MAP3K21: variants seen among roughly 807,000 people sequenced by gnomAD.
MAP3K21 encodes mitogen-activated protein kinase kinase kinase 21.
A neutral mutation model predicts 86.1 loss-of-function variants in MAP3K21; 63 were observed. The observed-to-expected ratio is 0.73, with a 90% CI of 0.60 to 0.90. The LOEUF (loss-of-function observed/expected upper bound fraction) is 0.90, where lower values mean the gene tolerates loss of function less well. Ranked by LOEUF, MAP3K21 falls within the 40% of genes least tolerant of loss-of-function variation. The pLI is 0.00. For missense variants in MAP3K21, 1,220 were observed against 1,367.7 expected, an observed-to-expected ratio of 0.89 and a Z score of 1.70; for synonymous variants, 558 against 564.8, an observed-to-expected ratio of 0.99 and a Z score of 0.17.
At chr1:233,357,434 T>A (rs1361683323) in intron 4 of MAP3K21, among the ~76,000 whole-genome samples, 1 of 150,302 alleles carries the variant, frequency 6.7e-6, no homozygotes, top group Admixed American at 6.6e-5. Context: ...AAAATAAAAA[T>A]AAAAAAATAA....
In MAP3K21 at chr1:233,382,576, T is replaced by G; in HGVS notation, c.2976T>G (p.Thr992=). Residue 992 remains threonine (T), a synonymous_variant, in exon 10 of 10, where the codon ACT becomes ACG. Coordinates refer to ENST00000366624, the MANE Select transcript of MAP3K21 (RefSeq NM_032435.3). ...AATTCCTCGCTGCCAAGGAGAGAACTAAATCCCATGTGCCTTCATTACTGG... is the reference window on the plus strand; with the variant it reads ...AATTCCTCGCTGCCAAGGAGAGAACGAAATCCCATGTGCCTTCATTACTGG... ...PTQFLAAKER[T]KSHVPSLLDA... 1 of 1,614,176 alleles carries G rather than the reference T, an allele frequency of 6.2e-7. No individual in the cohort carries two copies. Among genetic ancestry groups the G allele is most frequent in the Non-Finnish European group, 8.5e-7 (1 of 1,180,040 alleles).
intron 1 of MAP3K21, among the ~76,000 whole-genome samples, chr1:233,337,188 C>T (rs952605488): frequency 4.3e-5 from 6 of 139,412 alleles, no homozygotes; most frequent in African/African-American, 1.6e-4. Context: ...CTGTTTGCAA[C>T]TATGTAATTC....
intron 4 of MAP3K21, among the ~76,000 whole-genome samples, chr1:233,356,234 A>C (rs922348708): frequency 6.6e-6 from 1 of 152,190 alleles, no homozygotes; most frequent in African/African-American, 2.4e-5. Flanking sequence ...GGCATAAGTC[A>C]TACTGTATTA....
chr1:233,382,688 C>T lies in MAP3K21; in HGVS notation c.3088C>T (p.Leu1030=), dbSNP rs769336277. Residue 1030 remains leucine, a synonymous_variant, in exon 10 of 10, where the codon CTG becomes TTG. Transcript: ENST00000366624. The stretch of plus-strand genomic sequence containing the variant: ...AACCAGCCGGCCATCTATATATGAA[C>T]TGGAGAAAGAATTCCTGTCTTAAAC... ...SKTSRPSIYE[L]EKEFLS is the part of the protein sequence containing the mutation. The T allele has an allele frequency of 6.2e-7, 1 of 1,613,172 alleles. No homozygotes were observed. The highest frequency in any genetic ancestry group is 1.1e-5 in the South Asian group (1 of 91,034).
chr1:233,354,934 G>T lies in MAP3K21; in HGVS notation c.1234G>T (p.Glu412Ter). The T allele has an allele frequency of 6.2e-7, 1 of 1,614,036 alleles. No homozygotes were observed. The highest frequency in any genetic ancestry group is 8.5e-7 in the Non-Finnish European group (1 of 1,179,910). ...GGCAGTGATGACTGAGATGCCTCAA[G>T]AATCTTTTCATTCCATGCAAGATGA... ...EGAVMTEMPQESFHSMQDDWK... is the reference protein window; with the variant it reads ...EGAVMTEMPQ The change falls in exon 4 of 10, where the codon GAA becomes TAA. Residue 412 changes from glutamate (E) to a stop codon, truncating the protein, a stop_gained. Coordinates refer to ENST00000366624, the MANE Select transcript of MAP3K21 (RefSeq NM_032435.3). LOFTEE classifies it high-confidence loss of function.
chr1:233,371,822 A>T (rs1663689500), intron 5 of MAP3K21, among the ~76,000 whole-genome samples: 1 of 148,832 alleles, frequency 6.7e-6, no homozygotes, highest in Non-Finnish European at 1.5e-5. Flanking sequence ...GCTCTGATTC[A>T]TTATTTGTGT....
intron 1 of MAP3K21, among the ~76,000 whole-genome samples, chr1:233,338,024 T>A (rs987481983): frequency 6.6e-6 from 1 of 152,240 alleles, no homozygotes; most frequent in Admixed American, 6.5e-5. Context: ...TAGAATATTA[T>A]GAAAGATTTC....
intron 8 of MAP3K21, among the ~76,000 whole-genome samples, chr1:233,377,061 T>C (rs1349488019): frequency 6.6e-6 from 1 of 152,028 alleles, no homozygotes; most frequent in African/African-American, 2.4e-5. Context: ...TGCCACTGCA[T>C]GCCAGCCTGG....
intron 1 of MAP3K21, among the ~76,000 whole-genome samples, chr1:233,344,406 G>C (rs1336581622): frequency 2.6e-5 from 4 of 152,132 alleles, no homozygotes; most frequent in African/African-American, 7.2e-5. Flanking sequence ...GAACAGAACA[G>C]AGGCCTCAGA....
intron 2 of MAP3K21, among the ~76,000 whole-genome samples, chr1:233,350,672 C>T (rs960742351): frequency 6.6e-6 from 1 of 151,976 alleles, no homozygotes; most frequent in African/African-American, 2.4e-5. Flanking sequence ...TTTTACAGCT[C>T]TTATTATCCT....
chr1:233,371,595 A>G (rs982898241), intron 5 of MAP3K21, among the ~76,000 whole-genome samples: 2 of 152,146 alleles, frequency 1.3e-5, no homozygotes, highest in Non-Finnish European at 2.9e-5. Context: ...TCTAGCCTCA[A>G]GTGATCTGCC....
Position 233,382,860 on chromosome 1 carries a change from T to C in MAP3K21, c.*149T>C, listed in dbSNP as rs956856877. 17 of 646,512 alleles carry C rather than the reference T, an allele frequency of 2.6e-5. No individual in the cohort carries two copies. The highest frequency in any genetic ancestry group is 2.2e-4 in the African/African-American group (12 of 54,748). The allele number at this position is 646,512 out of a possible 1,614,324, so 40.0% of individuals were successfully genotyped here. ...AAGATATATCCAGCTTCTCAAAAAA[T>C]GTATATGATTGCTGTTAGCCATGTC... On this transcript the variant is annotated 3_prime_UTR_variant, in exon 10 of 10. Transcript: ENST00000366624.
Position 233,327,927 on chromosome 1 carries a change from T to TC in MAP3K21, c.-97dup, listed in dbSNP as rs1322193960. On this transcript the variant is annotated 5_prime_UTR_variant, in exon 1 of 10. Transcript: ENST00000366624. Reference sequence around the variant, plus strand: ...GATCGCGATTCCTACCCCCTCGCCTTCCCCCGGCGCCGACGGCCACACCGC... The same window carrying TC: ...GATCGCGATTCCTACCCCCTCGCCTTCCCCCCGGCGCCGACGGCCACACCGC... The TC allele has an allele frequency of 7.3e-6, 7 of 959,094 alleles. No homozygotes were observed. In the South Asian group the frequency reaches 2.5e-4, roughly 34 times the overall value. The allele number at this position is 959,094 out of a possible 1,614,324, so 59.4% of individuals were successfully genotyped here. A position where few individuals can be genotyped will look rare whatever the true frequency, so the allele number is the denominator to read the frequency against.
Position 233,354,897 on chromosome 1 carries a change from T to G in MAP3K21, c.1197T>G (p.Thr399=), listed in dbSNP as rs1663320391. 1.2e-6 allele frequency: 2 copies of G among 1,613,940 alleles called. No homozygotes were observed. Among genetic ancestry groups the G allele is most frequent in the Non-Finnish European group, 1.7e-6 (2 of 1,179,920 alleles). The change falls in exon 4 of 10, where the codon ACT becomes ACG. Residue 399 remains threonine, a synonymous_variant. Transcript: ENST00000366624. ...TTGCCTTAATTCTCGAACAGTTGAC[T>G]GCTATTGAAGGGGCAGTGATGACTG... ...PSFALILEQL[T]AIEGAVMTEM... is the part of the protein sequence containing the mutation.
chr1:233,342,629 G>A (rs79237258), intron 1 of MAP3K21, among the ~76,000 whole-genome samples: 1 of 152,174 alleles, frequency 6.6e-6, no homozygotes, highest in South Asian at 2.1e-4. Flanking sequence ...TGTCATATGT[G>A]AGTAGCAAAT....
intron 5 of MAP3K21, among the ~76,000 whole-genome samples, 177 bp downstream of exon 5, chr1:233,362,470 T>A (rs1663482526): frequency 6.6e-6 from 1 of 152,030 alleles, no homozygotes; most frequent in East Asian, 1.9e-4. Context: ...CCTAATGAGA[T>A]TCCATGTAGG....
At chr1:233,368,574 G>C (rs1006197287) in intron 5 of MAP3K21, among the ~76,000 whole-genome samples, 5 of 151,882 alleles carry the variant, frequency 3.3e-5, no homozygotes, top group African/African-American at 1.2e-4. Context: ...AAAATTGCTT[G>C]AGCCAGGGGA....
At chr1:233,335,748 T>G (rs541762482) in intron 1 of MAP3K21, among the ~76,000 whole-genome samples, 145 of 152,294 alleles carry the variant, frequency 9.5e-4, no homozygotes, top group Non-Finnish European at 1.7e-3. Context: ...TATTAGAAAT[T>G]TAAAATGATA....
intron 2 of MAP3K21, among the ~76,000 whole-genome samples, chr1:233,347,514 A>C (rs1367052305): frequency 2.6e-5 from 4 of 152,196 alleles, no homozygotes; most frequent in Admixed American, 2.6e-4. Context: ...GTTAATAAAG[A>C]AAATGTGGTG....
Sources: allele counts gnomAD v4.1 joint callset (sites outside exome capture counted in the v4.1 genomes callset), GRCh38; gene constraint gnomAD v4.1.1; transcripts MANE v1.5; gene names NCBI Gene and HGNC (gene_info 2026-07-23, HGNC 2026-07-21).